Variants in HCRTR2 observed in about 807,000 individuals in gnomAD.
The protein encoded by HCRTR2 is hypocretin receptor 2, also known as orexin receptor type 2.
A neutral mutation model predicts 49.0 loss-of-function variants in HCRTR2; 22 were observed. The ratio of observed to expected loss-of-function variants is 0.45; its 90% CI spans 0.32 to 0.64. HCRTR2 has a LOEUF of 0.64. HCRTR2 is among the 30% of genes least tolerant of loss of function. HCRTR2 has a pLI of 0.04. For synonymous variants in HCRTR2, 236 were observed against 205.3 expected, an observed-to-expected ratio of 1.15 and a Z score of -1.28; for missense variants, 491 against 559.4, an observed-to-expected ratio of 0.88 and a Z score of 1.23.
At chr6:55,130,615 T>C (rs536338349) in intron 1 of HCRTR2, among the ~76,000 whole-genome samples, 10 of 151,898 alleles carry the variant, frequency 6.6e-5, no homozygotes, top group Non-Finnish European at 5.9e-5. Flanking sequence ...ACTTACAATA[T>C]TTCAATAACT....
intron 1 of HCRTR2, among the ~76,000 whole-genome samples, chr6:55,230,751 GC>G (rs1766099090): frequency 6.6e-6 from 1 of 152,108 alleles, no homozygotes; most frequent in African/African-American, 2.4e-5. Flanking sequence ...ATAAATATAT[GC>G]TGAACGAATG....
At chr6:55,138,044 T>C (rs954868463) in intron 1 of HCRTR2, among the ~76,000 whole-genome samples, 1 of 152,302 alleles carries the variant, frequency 6.6e-6, no homozygotes, top group Admixed American at 6.5e-5. Flanking sequence ...CTGCATTTAA[T>C]GTGCCAGCAG....
chr6:55,125,965 C>G (rs1255604354), intron 1 of HCRTR2, among the ~76,000 whole-genome samples: 7 of 152,132 alleles, frequency 4.6e-5, no homozygotes, highest in African/African-American at 1.7e-4. Context: ...TCAGCTCCAT[C>G]ATGTCGTTTA....
intron 1 of HCRTR2, among the ~76,000 whole-genome samples, chr6:55,243,168 A>G (rs1456932494): frequency 6.6e-6 from 1 of 152,206 alleles, no homozygotes; most frequent in Non-Finnish European, 1.5e-5. Flanking sequence ...CATTTCAAAA[A>G]TACTATTTCA....
intron 3 of HCRTR2, among the ~76,000 whole-genome samples, chr6:55,259,351 G>T (rs1766712289): frequency 6.6e-6 from 1 of 152,174 alleles, no homozygotes; most frequent in Non-Finnish European, 1.5e-5. Context: ...ATATTTATTA[G>T]GGAGAAGATA....
chr6:55,225,023 G>T (rs1464872179), intron 1 of HCRTR2, among the ~76,000 whole-genome samples: 2 of 152,162 alleles, frequency 1.3e-5, no homozygotes, highest in Middle Eastern at 3.2e-3. Context: ...CACAAAAACT[G>T]ATAATTATGT....
At chr6:55,209,796 T>G (rs972864252) in intron 1 of HCRTR2, among the ~76,000 whole-genome samples, 3 of 152,120 alleles carry the variant, frequency 2.0e-5, no homozygotes, top group African/African-American at 7.2e-5. Context: ...TTGCAATTTG[T>G]GGTTGGGAAA....
chr6:55,110,697 T>C (rs1764036814), intron 1 of HCRTR2, among the ~76,000 whole-genome samples: 1 of 151,944 alleles, frequency 6.6e-6, no homozygotes, highest in Non-Finnish European at 1.5e-5. Flanking sequence ...TAAATATAAA[T>C]GCACCTAACA....
intron 1 of HCRTR2, among the ~76,000 whole-genome samples, chr6:55,135,960 T>A (rs1384880932): frequency 3.3e-5 from 5 of 152,088 alleles, no homozygotes; most frequent in Non-Finnish European, 7.3e-5. Flanking sequence ...CATGGTCAAT[T>A]TTCATGGCTC....
intron 1 of HCRTR2, among the ~76,000 whole-genome samples, chr6:55,244,598 A>G (rs1766395757): frequency 6.6e-6 from 1 of 152,098 alleles, no homozygotes; most frequent in Non-Finnish European, 1.5e-5. Flanking sequence ...GTATAAATTT[A>G]GTGTGCTCTC....
At chr6:55,118,673 A>G (rs1764153216) in intron 1 of HCRTR2, among the ~76,000 whole-genome samples, 1 of 151,714 alleles carries the variant, frequency 6.6e-6, no homozygotes, top group African/African-American at 2.4e-5. Context: ...TTTTTTATTT[A>G]TATGATTGTT....
At chr6:55,196,418 C>T (rs1308106140) in intron 1 of HCRTR2, among the ~76,000 whole-genome samples, 1 of 152,176 alleles carries the variant, frequency 6.6e-6, no homozygotes, top group Non-Finnish European at 1.5e-5. Flanking sequence ...CCCACCTAAC[C>T]TTTAGCCACT....
chr6:55,211,554 A>G lies in HCRTR2; in HGVS notation c.223+36744A>G, dbSNP rs144802440. Among the ~76,000 whole-genome samples the G allele has an allele frequency of 6.2e-3, 937 of 152,242 alleles. 17 individuals are homozygous for G. The highest frequency in any genetic ancestry group is 0.021 in the African/African-American group (882 of 41,562). ...GAGGGGTTATATGCTACTTATCTTT[A>G]TCTGTTGTGGAGTGAGGACACATTC... On this transcript the variant is annotated intron_variant, in intron 1 of 6. Coordinates refer to ENST00000370862, the MANE Select transcript of HCRTR2 (RefSeq NM_001384272.1).
intron 1 of HCRTR2, among the ~76,000 whole-genome samples, chr6:55,246,867 G>A (rs538726041): frequency 4.3e-4 from 65 of 152,144 alleles, no homozygotes; most frequent in African/African-American, 1.5e-3. Flanking sequence ...AGAAAGAAGT[G>A]CTTTTGAACA....
At chr6:55,181,037 C>G (rs1230581922) in intron 1 of HCRTR2, among the ~76,000 whole-genome samples, 15 of 150,590 alleles carry the variant, frequency 1.0e-4, no homozygotes, top group African/African-American at 3.7e-4. Context: ...TGAACTCTTG[C>G]CCTTGTTATC....
intron 1 of HCRTR2, among the ~76,000 whole-genome samples, chr6:55,119,568 C>T (rs1764166575): frequency 6.6e-6 from 1 of 151,024 alleles, no homozygotes; most frequent in South Asian, 2.1e-4. Flanking sequence ...CTGTTCACTG[C>T]ATAAATGTCT....
chr6:55,200,027 C>G (rs1175081535), intron 1 of HCRTR2, among the ~76,000 whole-genome samples: 3 of 152,196 alleles, frequency 2.0e-5, no homozygotes, highest in Admixed American at 1.3e-4. Flanking sequence ...AGCTTTGCCA[C>G]TTACTGCCCA....
At chr6:55,121,287 G>C (rs1764195963) in intron 1 of HCRTR2, among the ~76,000 whole-genome samples, 1 of 151,974 alleles carries the variant, frequency 6.6e-6, no homozygotes, top group African/African-American at 2.4e-5. Flanking sequence ...TCTGTTATTG[G>C]TGTATAGGAA....
chr6:55,126,855 G>T (rs1353895447), intron 1 of HCRTR2, among the ~76,000 whole-genome samples: 1 of 152,154 alleles, frequency 6.6e-6, no homozygotes, highest in African/African-American at 2.4e-5. Context: ...TGGCTGCTTT[G>T]TTTATACTGT....
Sources: allele counts gnomAD v4.1 joint callset (sites outside exome capture counted in the v4.1 genomes callset), GRCh38; gene constraint gnomAD v4.1.1; transcripts MANE v1.5; gene names NCBI Gene and HGNC (gene_info 2026-07-23, HGNC 2026-07-21).